The following NEXMIF variants were observed in gnomAD, a reference collection of about 807,000 sequenced individuals.
The protein encoded by NEXMIF is XLMR protein related to neurite extension.
Under a neutral mutation model 62.1 loss-of-function variants are expected in NEXMIF, and 8 were observed. The ratio of observed to expected loss-of-function variants is 0.13; its 90% confidence interval spans 0.08 to 0.23. NEXMIF has a LOEUF of 0.23. NEXMIF is among the 10% of genes least tolerant of loss of function. The pLI, the probability that NEXMIF is intolerant of heterozygous loss-of-function variation, is 1.00. For missense variants in NEXMIF, 976 were observed against 1,113.3 expected, an observed-to-expected ratio of 0.88 and a Z score of 1.75; for synonymous variants, 404 against 416.6, an observed-to-expected ratio of 0.97 and a Z score of 0.37.
intron 1 of NEXMIF, among the ~76,000 whole-genome samples, chrX:74,912,635 T>C (rs1437575188): frequency 9.0e-6 from 1 of 111,533 alleles, no homozygotes; most frequent in Non-Finnish European, 1.9e-5. Context: ...GGACCTCAGA[T>C]ACAATAACTA....
At chrX:74,764,231 T>G (rs1191538699) in intron 1 of NEXMIF, among the ~76,000 whole-genome samples, 22 of 111,886 alleles carry the variant, frequency 2.0e-4, no homozygotes, top group African/African-American at 2.6e-4. Context: ...ATAATCATGT[T>G]GTTTTTGTCT....
At chrX:74,873,325 A>G (rs1338765036) in intron 1 of NEXMIF, among the ~76,000 whole-genome samples, 3 of 111,915 alleles carry the variant, frequency 2.7e-5, no homozygotes, top group Non-Finnish European at 5.6e-5. Flanking sequence ...TGAACTCATC[A>G]TTTTTTATGG....
At chrX:74,879,090 T>G (rs1183352121) in intron 1 of NEXMIF, among the ~76,000 whole-genome samples, 1 of 112,449 alleles carries the variant, frequency 8.9e-6, no homozygotes, top group Non-Finnish European at 1.9e-5. Flanking sequence ...CAGTATCCAG[T>G]ACAGTAACAT....
chrX:74,804,600 C>T (rs1271740566), intron 1 of NEXMIF, among the ~76,000 whole-genome samples: 1 of 112,081 alleles, frequency 8.9e-6, no homozygotes, highest in Non-Finnish European at 1.9e-5. Context: ...CCTTATCCTG[C>T]TATGGCTCAG....
At chrX:74,790,797 G>A (rs1280684785) in intron 1 of NEXMIF, among the ~76,000 whole-genome samples, 1 of 112,271 alleles carries the variant, frequency 8.9e-6, no homozygotes, top group Non-Finnish European at 1.9e-5. Context: ...TGGTGTATAA[G>A]AATGCTTGTG....
intron 1 of NEXMIF, among the ~76,000 whole-genome samples, chrX:74,864,963 C>A (rs1446511951): frequency 8.9e-6 from 1 of 111,900 alleles, no homozygotes; most frequent in African/African-American, 3.2e-5. Flanking sequence ...CCCACCTTGG[C>A]CTCCTACAGT....
At chrX:74,881,828 G>C (rs1268024350) in intron 1 of NEXMIF, among the ~76,000 whole-genome samples, 2 of 111,974 alleles carry the variant, frequency 1.8e-5, no homozygotes, top group African/African-American at 6.5e-5. Flanking sequence ...AGTGCTTCTA[G>C]TACACAGTCA....
Position 74,744,344 on chromosome X carries a change from C to T in NEXMIF, c.213G>A (p.Lys71=). The change falls in exon 3 of 4, where the codon AAG becomes AAA. Residue 71 remains lysine, a synonymous_variant. Coordinates refer to ENST00000055682, the MANE Select transcript of NEXMIF (RefSeq NM_001008537.3). ...PRGLLPLPSK[K]PCMQSPPSPL... Reference sequence around the variant, plus strand: ...GAGAGGGCGGGCTCTGCATACAGGGCTTCTTAGAGGGTAGAGGCAGGAGAC... The same window carrying T: ...GAGAGGGCGGGCTCTGCATACAGGGTTTCTTAGAGGGTAGAGGCAGGAGAC... 2 of 1,211,646 alleles carry T rather than the reference C, an allele frequency of 1.7e-6. No homozygotes were observed. Among genetic ancestry groups the T allele is most frequent in the Non-Finnish European group, 2.2e-6 (2 of 895,460 alleles).
chrX:74,850,208 ACACT>A (rs1408899991), intron 1 of NEXMIF, among the ~76,000 whole-genome samples: 1 of 112,230 alleles, frequency 8.9e-6, no homozygotes, highest in African/African-American at 3.2e-5. Flanking sequence ...ACAGCAGCTG[ACACT>A]CACCTGCATG....
At chrX:74,845,392 G>C (rs1351174657) in intron 1 of NEXMIF, among the ~76,000 whole-genome samples, 1 of 111,894 alleles carries the variant, frequency 8.9e-6, no homozygotes, top group African/African-American at 3.2e-5. Flanking sequence ...AATTCTCATT[G>C]TTCAAATAAC....
At chrX:74,830,557 A>C (rs2080432770) in intron 1 of NEXMIF, among the ~76,000 whole-genome samples, 1 of 111,573 alleles carries the variant, frequency 9.0e-6, no homozygotes, top group African/African-American at 3.3e-5. Context: ...GTTCCAAATA[A>C]ACTTTAGGTT....
rs369569825 is a variant in NEXMIF, at chrX:74,743,793, T to C, written c.764A>G (p.Asn255Ser). 5.8e-6 allele frequency: 7 copies of C among 1,211,355 alleles called. No individual in the cohort carries two copies. The highest frequency in any genetic ancestry group is 4.3e-5 in the Admixed American group (2 of 45,986). Residue 255 changes from asparagine to serine, a missense_variant, in exon 3 of 4, where the codon AAT becomes AGT. By Grantham distance (46) the Asn-to-Ser change is conservative. This residue lies in a region of NEXMIF where 45 missense variants were observed against 86.8 expected (regional missense o/e 0.52). Coordinates refer to ENST00000055682, the MANE Select transcript of NEXMIF (RefSeq NM_001008537.3). ...AGTCTCGAAGTAACCCCAATCCTGA[T>C]TGGAATTTGCAAGCAAAGCTTCTTC... ...NTEEALLANS[N>S]QDWGYFETFI... is the part of the protein sequence containing the mutation.
intron 1 of NEXMIF, among the ~76,000 whole-genome samples, chrX:74,775,890 T>C (rs2080227280): frequency 8.9e-6 from 1 of 111,837 alleles, no homozygotes; most frequent in Non-Finnish European, 1.9e-5. Context: ...TGTGTCACCT[T>C]AGAGCCAATG....
intron 1 of NEXMIF, among the ~76,000 whole-genome samples, chrX:74,918,447 A>G (rs988243814): frequency 8.9e-6 from 1 of 112,363 alleles, no homozygotes; most frequent in African/African-American, 3.2e-5. Context: ...CTGGGTTAAT[A>G]AATCATATGC....
At chrX:74,760,090 T>C (rs2080171482) in intron 1 of NEXMIF, among the ~76,000 whole-genome samples, 1 of 111,724 alleles carries the variant, frequency 9.0e-6, no homozygotes, top group South Asian at 3.7e-4. Flanking sequence ...TAATTCTGAG[T>C]GTAGAGATCG....
rs1409231299 is a variant in NEXMIF at position 74,741,006 on chromosome X, C to T, written c.3551G>A (p.Ser1184Asn). The T allele has an allele frequency of 8.3e-7, 1 of 1,211,616 alleles. No individual in the cohort carries two copies. The highest frequency in any genetic ancestry group is 1.8e-5 in the South Asian group (1 of 56,993). Residue 1184 changes from serine (S) to asparagine (N), a missense_variant, in exon 3 of 4, where the codon AGT becomes AAT. Ser to Asn is a conservative substitution (Grantham distance 46). Around this residue, in one of 5 missense-constraint regions of NEXMIF, gnomAD observed 639 missense variants for 694.5 expected, o/e 0.92. Coordinates refer to ENST00000055682, the MANE Select transcript of NEXMIF (RefSeq NM_001008537.3). ...KSRKKSSPSK[S>N]GAMNQSSSQK... ...AGAAGAGCTTTGGTTCATAGCCCCA[C>T]TCTTGCTGGGTGAACTTTTCTTTCT...
intron 1 of NEXMIF, among the ~76,000 whole-genome samples, chrX:74,838,939 C>A (rs1284273535): frequency 8.9e-6 from 1 of 111,838 alleles, no homozygotes; most frequent in African/African-American, 3.2e-5. Context: ...TAGTAATCTG[C>A]TCAGTCCTTA....
intron 1 of NEXMIF, among the ~76,000 whole-genome samples, chrX:74,846,617 G>A (rs143751122): frequency 8.9e-6 from 1 of 111,942 alleles, no homozygotes; most frequent in Non-Finnish European, 1.9e-5. Flanking sequence ...ATTTTTAAAC[G>A]ATTGAAGCTT....
chrX:74,880,113 C>T (rs1482794278), intron 1 of NEXMIF, among the ~76,000 whole-genome samples: 3 of 112,139 alleles, frequency 2.7e-5, no homozygotes, highest in Non-Finnish European at 5.6e-5. Flanking sequence ...AACTTAAATG[C>T]ATCTATTTCC....
Sources: gnomAD v4.1 joint callset for allele counts (sites outside exome capture counted in the v4.1 genomes callset) on GRCh38, gnomAD v4.1.1 for gene constraint, gnomAD v4.1.1 regional missense constraint, MANE v1.5 for transcripts, NCBI Gene and HGNC (gene_info 2026-07-23, HGNC 2026-07-21) for gene names.